The following PTPRK variants were observed in gnomAD, a reference collection of about 807,000 sequenced individuals.
PTPRK encodes the protein receptor-type tyrosine-protein phosphatase kappa.
In PTPRK, 75 loss-of-function variants were observed where a neutral mutation model predicts 178.0. The ratio of observed to expected loss-of-function variants is 0.42; its 90% CI spans 0.35 to 0.51. The LOEUF (loss-of-function observed/expected upper bound fraction) is 0.51. Ranked by LOEUF, PTPRK falls within the 20% of genes least tolerant of loss-of-function variation. The pLI is 0.02. For missense variants in PTPRK, 1,441 were observed against 1,797.8 expected (o/e 0.80, Z 3.59); for synonymous variants, 637 against 620.6 (o/e 1.03, Z -0.39).
At chr6:128,372,534 C>T (rs939411118) in intron 2 of PTPRK, among the ~76,000 whole-genome samples, 2 of 152,138 alleles carry the variant, frequency 1.3e-5, no homozygotes, top group African/African-American at 4.8e-5. Context: ...TTCATTTAAT[C>T]CTCAAAGAGA....
chr6:128,413,738 G>A (rs571508101), intron 1 of PTPRK, among the ~76,000 whole-genome samples: 3 of 152,050 alleles, frequency 2.0e-5, no homozygotes, highest in Non-Finnish European at 2.9e-5. Flanking sequence ...CCACAATCTA[G>A]GTCAGTTTAG....
chr6:128,106,346 T>C (rs1309240130), intron 7 of PTPRK, among the ~76,000 whole-genome samples: 1 of 152,104 alleles, frequency 6.6e-6, no homozygotes, highest in African/African-American at 2.4e-5. Context: ...CCCAATTAAG[T>C]GTTTGGCTGT....
At chr6:128,223,535 C>T (rs948093020) in intron 5 of PTPRK, among the ~76,000 whole-genome samples, 1 of 151,930 alleles carries the variant, frequency 6.6e-6, no homozygotes, top group African/African-American at 2.4e-5. Context: ...ACTATAAATA[C>T]ATATGCTTAT....
chr6:128,245,586 T>G (rs551694972), intron 3 of PTPRK, among the ~76,000 whole-genome samples: 1 of 152,178 alleles, frequency 6.6e-6, no homozygotes, highest in African/African-American at 2.4e-5. Flanking sequence ...TGACAATTGA[T>G]TTTACTGGAA....
intron 1 of PTPRK, among the ~76,000 whole-genome samples, chr6:128,482,031 C>A (rs989417719): frequency 6.6e-6 from 1 of 152,098 alleles, no homozygotes; most frequent in African/African-American, 2.4e-5. Context: ...ATGAACGAAT[C>A]CTGCTTGCAT....
chr6:128,347,842 C>T (rs541907363), intron 2 of PTPRK, among the ~76,000 whole-genome samples: 146 of 152,114 alleles, frequency 9.6e-4, no homozygotes, highest in African/African-American at 3.2e-3. Context: ...CCGATCTCTA[C>T]GTTGTAATTA....
chr6:128,391,339 C>A (rs1839533330), intron 2 of PTPRK, among the ~76,000 whole-genome samples: 1 of 152,108 alleles, frequency 6.6e-6, no homozygotes, highest in Non-Finnish European at 1.5e-5. Context: ...AGGACAACTG[C>A]ACATGTTCAC....
intron 2 of PTPRK, among the ~76,000 whole-genome samples, chr6:128,324,479 G>C (rs1243109610): frequency 6.6e-6 from 1 of 151,920 alleles, no homozygotes; most frequent in African/African-American, 2.4e-5. Flanking sequence ...GATGGGCAAG[G>C]TATATTCATT....
chr6:127,990,831 C>T lies in PTPRK; in HGVS notation c.3034G>A (p.Val1012Ile). 6.2e-7 allele frequency: 1 copy of T among 1,612,340 alleles called. No individual in the cohort carries two copies. Among genetic ancestry groups the T allele is most frequent in the Non-Finnish European group, 8.5e-7 (1 of 1,178,742 alleles). Residue 1012 changes from valine (V) to isoleucine (I), a missense_variant, in exon 21 of 30, where the codon GTA becomes ATA. Physicochemically the swap from Val to Ile is conservative, Grantham distance 29. Coordinates refer to ENST00000368226, the MANE Select transcript of PTPRK (RefSeq NM_002844.4). ...DDTEVYGDFKVTCVEMEPLAE... is the reference protein window; with the variant it reads ...DDTEVYGDFKITCVEMEPLAE... The stretch of plus-strand genomic sequence containing the variant: ...AGTGGTTCCATTTCTACACACGTTA[C>T]TTTGAAGTCACCATAAACTTCAGTA...
chr6:128,401,685 A>G (rs1484924280), intron 1 of PTPRK, among the ~76,000 whole-genome samples: 2 of 152,172 alleles, frequency 1.3e-5, no homozygotes, highest in Non-Finnish European at 2.9e-5. Flanking sequence ...TACAGTAGCA[A>G]GAAACAAATA....
At chr6:128,344,034 T>C (rs1415147665) in intron 2 of PTPRK, among the ~76,000 whole-genome samples, 1 of 152,222 alleles carries the variant, frequency 6.6e-6, no homozygotes. Context: ...GATAATACTA[T>C]CTGCCTTATA....
chr6:128,209,158 A>C (rs926302990), intron 6 of PTPRK, among the ~76,000 whole-genome samples: 8 of 152,066 alleles, frequency 5.3e-5, no homozygotes, highest in African/African-American at 1.9e-4. Flanking sequence ...CTCCCTAAAA[A>C]CGCGCCATTT....
chr6:128,270,682 A>T lies in PTPRK; in HGVS notation c.496-28080T>A, dbSNP rs1396338686. Among the ~76,000 whole-genome samples the T allele has an allele frequency of 3.9e-5, 6 of 152,172 alleles. No individual in the cohort carries two copies. The East Asian group carries it at 1.2e-3, about 29-fold the overall frequency. ...TATATGCGTCTTTAGATAATGTACAATACGCAGCATCCAGTAGTCTTAACT... is the reference window on the plus strand; with the variant it reads ...TATATGCGTCTTTAGATAATGTACATTACGCAGCATCCAGTAGTCTTAACT... On this transcript the variant is annotated intron_variant, in intron 3 of 29. Transcript: ENST00000368226.
At chr6:127,976,035 A>G (rs548199431) in intron 27 of PTPRK, among the ~76,000 whole-genome samples, 3 of 152,252 alleles carry the variant, frequency 2.0e-5, no homozygotes, top group East Asian at 3.9e-4. Context: ...AGTGGAAAGC[A>G]AATGAGGAGT....
Position 128,268,099 on chromosome 6 carries a change from C to T in PTPRK, c.496-25497G>A, listed in dbSNP as rs114126577. On this transcript the variant is annotated intron_variant, in intron 3 of 29. Coordinates refer to ENST00000368226, the MANE Select transcript of PTPRK (RefSeq NM_002844.4). ...AGAATAGGGAGGAATGGGATAGTGG[C>T]GGTGGGGAAGGCTGAAATGGAAGCA... Among the ~76,000 whole-genome samples, 305 of 151,898 alleles carry T rather than the reference C, an allele frequency of 2.0e-3. 1 individual carries two copies. Among genetic ancestry groups the T allele is most frequent in the African/African-American group, 6.4e-3 (266 of 41,474 alleles).
chr6:128,121,650 A>G (rs1266008325), intron 7 of PTPRK, among the ~76,000 whole-genome samples: 1 of 152,072 alleles, frequency 6.6e-6, no homozygotes, highest in Non-Finnish European at 1.5e-5. Flanking sequence ...AATTTAAAGA[A>G]ACTCAAAGGA....
chr6:128,068,804 T>C (rs929107006), intron 11 of PTPRK, among the ~76,000 whole-genome samples: 4 of 151,794 alleles, frequency 2.6e-5, no homozygotes, highest in African/African-American at 7.2e-5. Flanking sequence ...GAAAAATATA[T>C]GTGGTATCTT....
intron 7 of PTPRK, among the ~76,000 whole-genome samples, chr6:128,158,727 C>T (rs1179737880): frequency 6.6e-6 from 1 of 151,970 alleles, no homozygotes; most frequent in South Asian, 2.1e-4. Flanking sequence ...ATACTTGACC[C>T]GTTAAGTCAC....
Position 128,494,338 on chromosome 6 carries a change from A to C in PTPRK, c.100+25921T>G, listed in dbSNP as rs541372635. On this transcript the variant is annotated intron_variant, in intron 1 of 29. Coordinates refer to ENST00000368226, the MANE Select transcript of PTPRK (RefSeq NM_002844.4). ...AAGATATAATGATTTAGTAGATTTT[A>C]AATTTAAAAGATAAAATAAGCTACA... 3.3e-5 allele frequency among the ~76,000 whole-genome samples: 5 copies of C among 152,330 alleles called. No homozygotes were observed. The East Asian group carries it at 9.6e-4, about 29-fold the overall frequency.
Sources: gnomAD v4.1 joint callset for allele counts (sites outside exome capture counted in the v4.1 genomes callset) on GRCh38, gnomAD v4.1.1 for gene constraint, MANE v1.5 for transcripts, NCBI Gene and HGNC (gene_info 2026-07-23, HGNC 2026-07-21) for gene names.